KCMF1: variants seen among roughly 807,000 people sequenced by gnomAD.
The protein encoded by KCMF1 is E3 ubiquitin-protein ligase KCMF1.
A neutral mutation model predicts 41.1 loss-of-function variants in KCMF1; 3 were observed. That is an observed-to-expected ratio of 0.07 (90% confidence interval 0.03 to 0.19). KCMF1 has a LOEUF of 0.19. KCMF1 is among the 10% of genes least tolerant of loss of function. KCMF1 has a pLI of 1.00. For synonymous variants in KCMF1, 142 were observed against 164.5 expected (o/e 0.86, Z 1.04); for missense variants, 286 against 488.9 (o/e 0.58, Z 3.91).
Position 84,971,396 on chromosome 2 carries a change from G to C in KCMF1, c.-56G>C, listed in dbSNP as rs1673388491. The C allele has an allele frequency of 2.5e-5, 28 of 1,113,844 alleles. No individual in the cohort carries two copies. The highest frequency in any genetic ancestry group is 3.1e-5 in the Non-Finnish European group (28 of 905,846). The allele number at this position is 1,113,844 out of a possible 1,614,324, so 69.0% of individuals were successfully genotyped here. ...GGCGCGGGCAGCGCCGGGACCCCGC[G>C]GGGGACACTGCAGCCGGAGCCCGGG... On this transcript the variant is annotated 5_prime_UTR_variant, in exon 1 of 7. Coordinates refer to ENST00000409785, the MANE Select transcript of KCMF1 (RefSeq NM_020122.5).
chr2:85,013,054 G>T (rs1212608577), intron 1 of KCMF1, among the ~76,000 whole-genome samples: 1 of 152,120 alleles, frequency 6.6e-6, no homozygotes, highest in Non-Finnish European at 1.5e-5. Flanking sequence ...TTGTGTCAGG[G>T]TGAGTCTGTT....
At chr2:84,974,593 G>T (rs1390374850) in intron 1 of KCMF1, among the ~76,000 whole-genome samples, 1 of 133,490 alleles carries the variant, frequency 7.5e-6, no homozygotes, top group African/African-American at 2.8e-5. Flanking sequence ...TAGACAACCT[G>T]TAATTGAAAG....
chr2:84,984,784 C>T (rs993598694), intron 1 of KCMF1, among the ~76,000 whole-genome samples: 1 of 152,146 alleles, frequency 6.6e-6, no homozygotes, highest in Non-Finnish European at 1.5e-5. Flanking sequence ...TGCGCCATTG[C>T]ACTCCAGTCC....
intron 1 of KCMF1, among the ~76,000 whole-genome samples, chr2:85,016,934 C>A (rs1674782858): frequency 6.6e-6 from 1 of 152,022 alleles, no homozygotes; most frequent in African/African-American, 2.4e-5. Context: ...AGGTGATCCA[C>A]CCATCTCAGG....
At chr2:84,995,517 G>T (rs550638070) in intron 1 of KCMF1, among the ~76,000 whole-genome samples, 2 of 152,282 alleles carry the variant, frequency 1.3e-5, no homozygotes, top group African/African-American at 4.8e-5. Flanking sequence ...GTCTCAGTGG[G>T]TTCAGATGTC....
At chr2:85,045,693 T>G (rs973137802) in intron 4 of KCMF1, among the ~76,000 whole-genome samples, 1 of 152,214 alleles carries the variant, frequency 6.6e-6, no homozygotes, top group Non-Finnish European at 1.5e-5. Flanking sequence ...TCTGTGTGTC[T>G]TATACAAGAA....
chr2:85,008,291 T>TA (rs1674531805), intron 1 of KCMF1, among the ~76,000 whole-genome samples: 1 of 14,624 alleles, frequency 6.8e-5, no homozygotes, highest in Non-Finnish European at 1.7e-4. Context: ...TGATATATAA[T>TA]ATATATAATA....
intron 1 of KCMF1, among the ~76,000 whole-genome samples, chr2:85,008,305 A>AATATAATATATAATATATC (rs1278723324): frequency 1.1e-4 from 1 of 9,034 alleles, no homozygotes; most frequent in African/African-American, 2.6e-4. Context: ...TATAATATAT[A>AATATAATATATAATATATC]ATATGATATA....
chr2:84,987,300 A>G (rs114127529), intron 1 of KCMF1, among the ~76,000 whole-genome samples: 2,694 of 152,328 alleles, frequency 0.018, 53 homozygotes, highest in South Asian at 0.044. Context: ...TCACTGAAGC[A>G]GATTGTTATG....
intron 2 of KCMF1, among the ~76,000 whole-genome samples, chr2:85,028,465 G>A (rs979663143): frequency 1.4e-5 from 2 of 146,872 alleles, no homozygotes; most frequent in Non-Finnish European, 3.0e-5. Flanking sequence ...GATTATAGGC[G>A]TGAGCCACTG....
chr2:85,018,521 C>T (rs149506569), intron 1 of KCMF1, among the ~76,000 whole-genome samples: 267 of 152,084 alleles, frequency 1.8e-3, no homozygotes, highest in African/African-American at 6.2e-3. Flanking sequence ...CTGCCCGCTT[C>T]GGCCTCCCAA....
At chr2:85,042,463 G>C (rs1448085920) in intron 3 of KCMF1, among the ~76,000 whole-genome samples, 4 of 152,142 alleles carry the variant, frequency 2.6e-5, no homozygotes, top group African/African-American at 9.7e-5. Context: ...CAGACAATAA[G>C]GTTGACCAAT....
intron 1 of KCMF1, among the ~76,000 whole-genome samples, chr2:85,023,486 T>A (rs1675005417): frequency 6.7e-6 from 1 of 149,378 alleles, no homozygotes; most frequent in South Asian, 2.1e-4. Context: ...GCCTGGCTAA[T>A]TTTTTTTTGT....
intron 1 of KCMF1, among the ~76,000 whole-genome samples, chr2:85,018,795 ATTTTTTTTTTTTT>A (rs34627507): frequency 5.4e-5 from 4 of 73,696 alleles, no homozygotes; most frequent in African/African-American, 1.6e-4. Context: ...CAGAACTTTG[ATTTTTTTTTTTTT>A]TTTTTTTTTT....
chr2:85,046,886 A>T (rs1461982757), intron 5 of KCMF1, among the ~76,000 whole-genome samples: 1 of 152,168 alleles, frequency 6.6e-6, no homozygotes, highest in Non-Finnish European at 1.5e-5. Flanking sequence ...GTACAGGACA[A>T]TAAGATACTT....
At chr2:84,984,800 G>A (rs1673860265) in intron 1 of KCMF1, among the ~76,000 whole-genome samples, 3 of 152,026 alleles carry the variant, frequency 2.0e-5, no homozygotes, top group Admixed American at 2.0e-4. Context: ...AGTCCAGCCT[G>A]GGCAGCAAGT....
intron 5 of KCMF1, among the ~76,000 whole-genome samples, chr2:85,046,493 G>A (rs1341081753): frequency 6.6e-6 from 1 of 152,028 alleles, no homozygotes; most frequent in East Asian, 1.9e-4. Context: ...AGCCAGATTT[G>A]GTGGTGGGTG....
intron 3 of KCMF1, among the ~76,000 whole-genome samples, chr2:85,041,309 A>G (rs946223926): frequency 1.3e-5 from 2 of 152,200 alleles, no homozygotes; most frequent in African/African-American, 4.8e-5. Context: ...ATAAGGAAGG[A>G]TCTTGATTTT....
At chr2:85,049,965 C>G (rs1013265474) in intron 6 of KCMF1, among the ~76,000 whole-genome samples, 1 of 152,064 alleles carries the variant, frequency 6.6e-6, no homozygotes, top group Non-Finnish European at 1.5e-5. Flanking sequence ...TCCAAACCAC[C>G]CTGGGTAACA....
Sources: allele counts gnomAD v4.1 joint callset (sites outside exome capture counted in the v4.1 genomes callset), GRCh38; gene constraint gnomAD v4.1.1; transcripts MANE v1.5; gene names NCBI Gene and HGNC (gene_info 2026-07-23, HGNC 2026-07-21).